SLC25A31: variants seen among roughly 807,000 people sequenced by gnomAD.
SLC25A31 encodes the protein ADP/ATP translocase 4.
Under a neutral mutation model 36.2 loss-of-function variants are expected in SLC25A31, and 40 were observed. The ratio of observed to expected loss-of-function variants is 1.10; its 90% CI spans 0.86 to 1.44. SLC25A31 has a LOEUF of 1.44. Ranked by LOEUF, SLC25A31 falls within the 40% of genes most tolerant of loss-of-function variation. SLC25A31 has a pLI of 0.00. For missense variants in SLC25A31, 350 were observed against 397.1 expected, an observed-to-expected ratio of 0.88 and a Z score of 1.01; for synonymous variants, 143 against 149.7, an observed-to-expected ratio of 0.96 and a Z score of 0.32.
chr4:127,765,006 T>C (rs1196260553), intron 3 of SLC25A31, among the ~76,000 whole-genome samples: 1 of 152,220 alleles, frequency 6.6e-6, no homozygotes. Context: ...TCCTTTAGTA[T>C]ATGTTTTTTC....
At position 127,730,408 on chromosome 4, in the gene SLC25A31, G is replaced by A. The variant is rs1227978519; in HGVS notation, c.-138G>A. On this transcript the variant is annotated 5_prime_UTR_variant, in exon 1 of 6. Coordinates refer to ENST00000281154, the MANE Select transcript of SLC25A31 (RefSeq NM_031291.4). ...TTTTCCGCACGCGCCTCGCCGGCGC[G>A]CGGCTCTCTCAGCGTCCCAAGAGCC... The A allele has an allele frequency of 1.2e-5, 11 of 930,472 alleles. No homozygotes were observed. In the East Asian group the frequency reaches 2.9e-4, roughly 25 times the overall value. The allele number at this position is 930,472 out of a possible 1,614,324, so 57.6% of individuals were successfully genotyped here.
At chr4:127,772,691 T>C (rs893006469) in intron 5 of SLC25A31, among the ~76,000 whole-genome samples, 2 of 152,128 alleles carry the variant, frequency 1.3e-5, no homozygotes, top group African/African-American at 4.8e-5. Context: ...ATCTTAAAAA[T>C]TTAGGTAAGA....
intron 2 of SLC25A31, among the ~76,000 whole-genome samples, chr4:127,754,245 A>G (rs905465996): frequency 6.6e-6 from 1 of 152,132 alleles, no homozygotes; most frequent in African/African-American, 2.4e-5. Flanking sequence ...CAAACCAGAC[A>G]CACTCACCAC....
intron 1 of SLC25A31, among the ~76,000 whole-genome samples, chr4:127,736,472 C>T (rs1438692094): frequency 6.6e-6 from 1 of 152,180 alleles, no homozygotes; most frequent in Non-Finnish European, 1.5e-5. Flanking sequence ...TCAAAACGTT[C>T]CTGCCATTGT....
In SLC25A31 at chr4:127,735,896, A is replaced by ATTTTT. The variant is rs70966054; in HGVS notation, c.232+5126_232+5130dup. On this transcript the variant is annotated intron_variant, in intron 1 of 5. Coordinates refer to ENST00000281154, the MANE Select transcript of SLC25A31 (RefSeq NM_031291.4). ...TATTTATTTATTTATTTATTTATTTATTTTTTTTTTTGAGACGGAGTCTCG... is the reference window on the plus strand; with the variant it reads ...TATTTATTTATTTATTTATTTATTTATTTTTTTTTTTTTTTTGAGACGGAGTCTCG... Among the ~76,000 whole-genome samples the ATTTTT allele has an allele frequency of 9.8e-4, 73 of 74,632 alleles. 2 individuals carry two copies. Among genetic ancestry groups the ATTTTT allele is most frequent in the Non-Finnish European group, 1.3e-3 (50 of 38,090 alleles). 49.0% of individuals were successfully genotyped at this position (74,632 alleles called of 152,430 possible). A position where few individuals can be genotyped will look rare whatever the true frequency, so the allele number is the denominator to read the frequency against.
chr4:127,766,427 A>G (rs567150390), intron 3 of SLC25A31, among the ~76,000 whole-genome samples: 3 of 150,476 alleles, frequency 2.0e-5, no homozygotes, highest in East Asian at 2.0e-4. Context: ...CAGCCTCCCA[A>G]AGTGCTGGGA....
chr4:127,767,523 T>C (rs768835020), intron 4 of SLC25A31, among the ~76,000 whole-genome samples: 17 of 152,174 alleles, frequency 1.1e-4, no homozygotes, highest in African/African-American at 1.7e-4. Flanking sequence ...CATTGGTATA[T>C]GGAAAGGCAT....
At chr4:127,747,578 T>C (rs1362796501) in intron 2 of SLC25A31, among the ~76,000 whole-genome samples, 1 of 152,226 alleles carries the variant, frequency 6.6e-6, no homozygotes, top group Non-Finnish European at 1.5e-5. Context: ...AGTTTACTTC[T>C]CTGATCCCTA....
At position 127,754,027 on chromosome 4, in the gene SLC25A31, T is replaced by C. The variant is rs189271199; in HGVS notation, c.360+9228T>C. 3.9e-5 allele frequency among the ~76,000 whole-genome samples: 6 copies of C among 152,272 alleles called. No homozygotes were observed. The East Asian group carries it at 1.2e-3, about 29-fold the overall frequency. On this transcript the variant is annotated intron_variant, in intron 2 of 5. Transcript: ENST00000281154. The stretch of plus-strand genomic sequence containing the variant: ...AGTTCAATATACACAAATCAATACA[T>C]GTGATAAACTGTATTAACAAAAACC...
At chr4:127,761,110 G>C (rs1262325186) in intron 2 of SLC25A31, among the ~76,000 whole-genome samples, 2 of 152,142 alleles carry the variant, frequency 1.3e-5, no homozygotes, top group Non-Finnish European at 2.9e-5. Context: ...AGCATGGGCA[G>C]ATTCTTACTG....
chr4:127,771,534 C>A lies in SLC25A31; in HGVS notation c.760-1852C>A, dbSNP rs182013772. On this transcript the variant is annotated intron_variant, in intron 5 of 5. Coordinates refer to ENST00000281154, the MANE Select transcript of SLC25A31 (RefSeq NM_031291.4). Reference sequence around the variant, plus strand: ...CCAAATTTTTATTTACATGAACAGGCATATAATCTGCAACTAATATCAGTG... The same window carrying A: ...CCAAATTTTTATTTACATGAACAGGAATATAATCTGCAACTAATATCAGTG... Among the ~76,000 whole-genome samples the A allele has an allele frequency of 3.9e-5, 6 of 152,304 alleles. No homozygotes were observed. The East Asian group carries it at 9.7e-4, about 25-fold the overall frequency.
intron 2 of SLC25A31, among the ~76,000 whole-genome samples, chr4:127,753,232 C>T (rs1278314548): frequency 2.0e-5 from 3 of 151,338 alleles, no homozygotes; most frequent in Admixed American, 6.6e-5. Context: ...TTTATAGCAA[C>T]AGAAGAAAGA....
intron 3 of SLC25A31, among the ~76,000 whole-genome samples, chr4:127,766,058 C>A (rs1460941096): frequency 6.6e-6 from 1 of 151,666 alleles, no homozygotes; most frequent in Non-Finnish European, 1.5e-5. Context: ...AAAAATATGA[C>A]CCCTTCATAT....
chr4:127,747,629 G>A (rs1037819834), intron 2 of SLC25A31, among the ~76,000 whole-genome samples: 6 of 152,058 alleles, frequency 3.9e-5, no homozygotes, highest in African/African-American at 7.2e-5. Flanking sequence ...TACCTATCTC[G>A]TAGTTTTATT....
chr4:127,774,048 AGTT>A lies in SLC25A31; in HGVS notation c.*478_*480del, dbSNP rs1289881698. The A allele has an allele frequency of 6.6e-6, 1 of 152,444 alleles. No homozygotes were observed. The highest frequency in any genetic ancestry group is 1.5e-5 in the Non-Finnish European group (1 of 68,240). 9.4% of individuals were successfully genotyped at this position (152,444 alleles called of 1,614,324 possible). ...CTTTGTTCTATATCTCTTCTAAGAC[AGTT>A]GTTATTACTGTGTATAATATTTACA... On this transcript the variant is annotated 3_prime_UTR_variant, in exon 6 of 6. Coordinates refer to ENST00000281154, the MANE Select transcript of SLC25A31 (RefSeq NM_031291.4).
rs1018373016 is a variant in SLC25A31, at chr4:127,768,844, C to G, written c.726C>G (p.Pro242=). ...VTTCSGILSY[P]FDTVRRRMMM... ...CATGCTCTGGAATACTTTCTTATCC[C>G]TTTGACACAGTTAGAAGACGTATGA... Residue 242 remains proline (P), a synonymous_variant, in exon 5 of 6, where the codon CCC becomes CCG. Transcript: ENST00000281154. 2 of 1,604,362 alleles carry G rather than the reference C, an allele frequency of 1.2e-6. No homozygotes were observed. The highest frequency in any genetic ancestry group is 2.7e-5 in the African/African-American group (2 of 74,562).
rs1414707879 is a variant in SLC25A31, at chr4:127,764,498, AG to A, written c.478+141del. The A allele has an allele frequency of 6.4e-6, 4 of 628,642 alleles. No individual in the cohort carries two copies. The African/African-American group carries it at 7.4e-5, about 12-fold the overall frequency. 38.9% of individuals were successfully genotyped at this position (628,642 alleles called of 1,614,324 possible). ...GTTCTCAACCAAATGGTGGAGTCAT[AG>A]GGCCTAAAGTATATTACTTGCTTCT... On this transcript the variant is annotated intron_variant, in intron 3 of 5. Coordinates refer to ENST00000281154, the MANE Select transcript of SLC25A31 (RefSeq NM_031291.4).
intron 5 of SLC25A31, among the ~76,000 whole-genome samples, chr4:127,772,871 T>A (rs1030079623): frequency 3.3e-5 from 5 of 150,804 alleles, no homozygotes; most frequent in African/African-American, 1.2e-4. Flanking sequence ...AACTTTGACC[T>A]CCCAGGCTCA....
At chr4:127,752,151 A>G (rs1731945841) in intron 2 of SLC25A31, among the ~76,000 whole-genome samples, 1 of 152,212 alleles carries the variant, frequency 6.6e-6, no homozygotes, top group South Asian at 2.1e-4. Flanking sequence ...TCACAATAGC[A>G]AAGACTTGGA....
Sources: gnomAD v4.1 joint callset for allele counts (sites outside exome capture counted in the v4.1 genomes callset) on GRCh38, gnomAD v4.1.1 for gene constraint, MANE v1.5 for transcripts, NCBI Gene and HGNC (gene_info 2026-07-23, HGNC 2026-07-21) for gene names.